The following HSD17B3 variants were observed in gnomAD, a reference collection of about 807,000 sequenced individuals.
The protein encoded by HSD17B3 is 17-beta-hydroxysteroid dehydrogenase type 3.
HSD17B3 carries 29 observed loss-of-function variants against 41.1 expected under a neutral mutation model. That is an observed-to-expected ratio of 0.71 (90% confidence interval 0.53 to 0.96). HSD17B3 has a LOEUF of 0.96. Ranked by LOEUF, HSD17B3 falls within the 40% of genes least tolerant of loss-of-function variation. The probability of loss-of-function intolerance (pLI) is 0.00; values close to 1 mark genes in which losing one functional copy is unlikely to be tolerated. For missense variants in HSD17B3, 323 were observed against 374.6 expected, an observed-to-expected ratio of 0.86 and a Z score of 1.14; for synonymous variants, 126 against 145.6, an observed-to-expected ratio of 0.87 and a Z score of 0.97.
intron 1 of HSD17B3, among the ~76,000 whole-genome samples, chr9:96,299,520 C>A (rs1214478509): frequency 6.6e-6 from 1 of 152,150 alleles, no homozygotes; most frequent in African/African-American, 2.4e-5. Context: ...TCAATAATAA[C>A]GACGGATAAC....
In HSD17B3 at chr9:96,245,367, T is replaced by C. The variant is rs770086045; in HGVS notation, c.584A>G (p.Tyr195Cys). 1 of 1,613,122 alleles carries C rather than the reference T, an allele frequency of 6.2e-7. No homozygotes were observed. Among genetic ancestry groups the C allele is most frequent in the African/African-American group, 1.3e-5 (1 of 74,722 alleles). ...SGIALFPWPL[Y>C]SMYSASKAFV... Reference sequence around the variant, plus strand: ...CACCTTGGAAGCTGAGTACATGGAGTAGAGAGGCCAAGGAAACAGGGCTAT... The same window carrying C: ...CACCTTGGAAGCTGAGTACATGGAGCAGAGAGGCCAAGGAAACAGGGCTAT... The change falls in exon 8 of 11, where the codon TAC (tyrosine) becomes TGC (cysteine). Residue 195 changes from tyrosine to cysteine, a missense_variant. Tyr to Cys is a radical substitution (Grantham distance 194). Transcript: ENST00000375263.
rs375673180 is a variant in HSD17B3 at position 96,254,934 on chromosome 9, G to T, written c.211C>A (p.Arg71Ser). 5 of 1,613,640 alleles carry T rather than the reference G, an allele frequency of 3.1e-6. No homozygotes were observed. The highest frequency in any genetic ancestry group is 4.2e-6 in the Non-Finnish European group (5 of 1,179,862). The change falls in exon 3 of 11, where the codon CGT (arginine) becomes AGT (serine). Residue 71 changes from arginine to serine, a missense_variant. Physicochemically the swap from Arg to Ser is moderately radical, Grantham distance 110. Transcript: ENST00000375263. Reference protein sequence around the residue: ...GKAYSFELAKRGLNVVLISRT... With the variant: ...GKAYSFELAKSGLNVVLISRT... Reference sequence around the variant, plus strand: ...CTAATAAGGACAACATTGAGTCCACGTTTTGCTAGCTGAGAGTGGGAGTGA... The same window carrying T: ...CTAATAAGGACAACATTGAGTCCACTTTTTGCTAGCTGAGAGTGGGAGTGA...
intron 9 of HSD17B3, among the ~76,000 whole-genome samples, chr9:96,241,995 AAG>A (rs1836469529): frequency 6.7e-6 from 1 of 148,622 alleles, no homozygotes. Context: ...GAAAGAAAGA[AAG>A]AAAGAAAGAG....
At chr9:96,269,220 A>G (rs78155911) in intron 2 of HSD17B3, among the ~76,000 whole-genome samples, 2,059 of 152,322 alleles carry the variant, frequency 0.014, 25 homozygotes, top group Non-Finnish European at 0.02. Flanking sequence ...TTATGTAAAC[A>G]TAGCAAAAAT....
At chr9:96,285,276 GAA>G (rs1256165250) in intron 2 of HSD17B3, among the ~76,000 whole-genome samples, 1 of 152,206 alleles carries the variant, frequency 6.6e-6, no homozygotes, top group Non-Finnish European at 1.5e-5. Context: ...AACGGAGAGA[GAA>G]ATATTATGTT....
intron 2 of HSD17B3, among the ~76,000 whole-genome samples, chr9:96,288,369 C>CAAG (rs1827006177): frequency 6.6e-6 from 1 of 152,214 alleles, no homozygotes; most frequent in Non-Finnish European, 1.5e-5. Context: ...TATATTCACT[C>CAAG]TCACAGGTGA....
At chr9:96,238,617 G>A (rs887758189) in intron 10 of HSD17B3, among the ~76,000 whole-genome samples, 1 of 151,772 alleles carries the variant, frequency 6.6e-6, no homozygotes, top group African/African-American at 2.4e-5. Context: ...AGCCAAGATC[G>A]CACCACTGCA....
intron 2 of HSD17B3, among the ~76,000 whole-genome samples, chr9:96,292,967 G>A (rs9409407): frequency 3.7e-4 from 56 of 152,222 alleles, no homozygotes; most frequent in Admixed American, 2.7e-3. Flanking sequence ...AAGGGGAAAT[G>A]AAGCCATTCT....
intron 2 of HSD17B3, among the ~76,000 whole-genome samples, chr9:96,273,484 T>G (rs1826340085): frequency 6.6e-6 from 1 of 152,154 alleles, no homozygotes; most frequent in Non-Finnish European, 1.5e-5. Flanking sequence ...GAGAGCAGGA[T>G]GACTCCAGCA....
intron 5 of HSD17B3, chr9:96,250,443 C>G (rs1836850552): frequency 8.4e-6 from 9 of 1,065,328 alleles, no homozygotes; most frequent in Non-Finnish European, 9.1e-6. Context: ...GGCATTATCA[C>G]CCGGTGCAGC....
intron 2 of HSD17B3, among the ~76,000 whole-genome samples, chr9:96,266,737 T>C (rs545823744): frequency 6.6e-6 from 1 of 152,204 alleles, no homozygotes; most frequent in African/African-American, 2.4e-5. Flanking sequence ...CTCAGGAGGC[T>C]TGGGTCAGAG....
intron 8 of HSD17B3, 90 bp from the exon 9 acceptor site, chr9:96,244,484 C>T: frequency 2.6e-6 from 3 of 1,175,282 alleles, no homozygotes; most frequent in Non-Finnish European, 3.8e-6. Flanking sequence ...ACTGCAGACA[C>T]ACTACCTGCT....
intron 6 of HSD17B3, among the ~76,000 whole-genome samples, chr9:96,248,862 A>C (rs1836777414): frequency 6.6e-6 from 1 of 151,902 alleles, no homozygotes; most frequent in Non-Finnish European, 1.5e-5. Context: ...TCACCAAAGA[A>C]CTTGAATGCT....
intron 2 of HSD17B3, among the ~76,000 whole-genome samples, chr9:96,259,822 T>TGA (rs1178075373): frequency 6.6e-6 from 1 of 152,248 alleles, no homozygotes; most frequent in Non-Finnish European, 1.5e-5. Context: ...TAATTGTGAA[T>TGA]GAGAGCTCTT....
intron 2 of HSD17B3, among the ~76,000 whole-genome samples, chr9:96,272,765 A>T (rs1289648458): frequency 6.6e-6 from 1 of 152,074 alleles, no homozygotes; most frequent in Non-Finnish European, 1.5e-5. Context: ...TATATATGAA[A>T]GTTAACAGCA....
chr9:96,268,604 A>G (rs1468043923), intron 2 of HSD17B3, among the ~76,000 whole-genome samples: 1 of 152,172 alleles, frequency 6.6e-6, no homozygotes, highest in Non-Finnish European at 1.5e-5. Flanking sequence ...ATCTTTTTCA[A>G]AGAATAAAAC....
At position 96,298,348 on chromosome 9, in the gene HSD17B3, G is replaced by T. The variant is rs1827443512; in HGVS notation, c.201+68C>A. ...TTTTATATTCAAAAATCTAGTGTTG[G>T]GGTGGATGTCTCAGGACTGTGATTG... On this transcript the variant is annotated intron_variant, in intron 2 of 10. Coordinates refer to ENST00000375263, the MANE Select transcript of HSD17B3 (RefSeq NM_000197.2). 4.2e-6 allele frequency: 5 copies of T among 1,186,890 alleles called. No homozygotes were observed. The Admixed American group carries it at 6.7e-5, about 16-fold the overall frequency. The allele number at this position is 1,186,890 out of a possible 1,614,324, so 73.5% of individuals were successfully genotyped here.
chr9:96,250,243 G>A (rs1378058191), intron 5 of HSD17B3: 1 of 1,117,826 alleles, frequency 8.9e-7, no homozygotes, highest in Non-Finnish European at 1.1e-6. Flanking sequence ...AAGGACAAGA[G>A]GACGGACACA....
chr9:96,244,415 A>T (rs760449654), intron 8 of HSD17B3, 21 bp from the exon 9 acceptor site: 25 of 1,613,602 alleles, frequency 1.5e-5, no homozygotes, highest in Non-Finnish European at 2.1e-5. Flanking sequence ...AAGGAGAGAC[A>T]CCTGAGGCCC....
Sources: gnomAD v4.1 joint callset for allele counts (sites outside exome capture counted in the v4.1 genomes callset) on GRCh38, gnomAD v4.1.1 for gene constraint, MANE v1.5 for transcripts, NCBI Gene and HGNC (gene_info 2026-07-23, HGNC 2026-07-21) for gene names.